The following AHR variants were observed in gnomAD, a reference collection of about 807,000 sequenced individuals.
AHR encodes AH-receptor.
Under a neutral mutation model 86.8 loss-of-function variants are expected in AHR, and 40 were observed. The observed-to-expected ratio is 0.46, with a 90% CI of 0.36 to 0.60. The LOEUF (loss-of-function observed/expected upper bound fraction) is 0.60. Among genes scored for constraint, AHR ranks in the 20% least tolerant of loss-of-function variants. AHR has a pLI of 0.00. For synonymous variants in AHR, 398 were observed against 354.9 expected, an observed-to-expected ratio of 1.12 and a Z score of -1.37; for missense variants, 1,001 against 1,011.6, an observed-to-expected ratio of 0.99 and a Z score of 0.14.
chr7:17,299,990 A>G (rs1584026669), intron 1 of AHR, among the ~76,000 whole-genome samples: 2 of 152,232 alleles, frequency 1.3e-5, no homozygotes, highest in African/African-American at 4.8e-5. Flanking sequence ...TTCTTCAGAC[A>G]TCTTTTTCGG....
Position 17,340,035 on chromosome 7 carries a change from A to C in AHR, c.2210A>C (p.Asp737Ala). Residue 737 changes from aspartate to alanine, a missense_variant, in exon 10 of 11, where the codon GAT becomes GCT. Asp to Ala is a moderately radical substitution (Grantham distance 126). Transcript: ENST00000242057. ...SPYPTTSSLE[D>A]FVTCLQLPEN... Reference sequence around the variant, plus strand: ...TACCCCACTACTTCTAGTTTAGAAGATTTTGTCACTTGTTTACAACTTCCT... The same window carrying C: ...TACCCCACTACTTCTAGTTTAGAAGCTTTTGTCACTTGTTTACAACTTCCT... 1 of 1,614,204 alleles carries C rather than the reference A, an allele frequency of 6.2e-7. No homozygotes were observed. The highest frequency in any genetic ancestry group is 8.5e-7 in the Non-Finnish European group (1 of 1,180,036).
At chr7:17,307,693 G>A (rs912517263) in intron 1 of AHR, among the ~76,000 whole-genome samples, 1 of 152,126 alleles carries the variant, frequency 6.6e-6, no homozygotes, top group Non-Finnish European at 1.5e-5. Context: ...GACACAGTCA[G>A]ATTTATGTTT....
intron 2 of AHR, among the ~76,000 whole-genome samples, chr7:17,310,598 G>T (rs1782053677): frequency 6.7e-6 from 1 of 149,326 alleles, no homozygotes; most frequent in Non-Finnish European, 1.5e-5. Flanking sequence ...GCAATGACAC[G>T]ATCTTGGCTC....
At chr7:17,301,922 G>C (rs1781958727) in intron 1 of AHR, among the ~76,000 whole-genome samples, 1 of 151,740 alleles carries the variant, frequency 6.6e-6, no homozygotes, top group Admixed American at 6.6e-5. Flanking sequence ...CTATAACTTT[G>C]CTTAGACTGT....
chr7:17,332,057 A>G (rs758713866), intron 6 of AHR, among the ~76,000 whole-genome samples: 1 of 151,948 alleles, frequency 6.6e-6, no homozygotes, highest in Non-Finnish European at 1.5e-5. Context: ...ATAACAGACC[A>G]TGTATATGAT....
chr7:17,305,891 C>T (rs1782000732), intron 1 of AHR, among the ~76,000 whole-genome samples: 1 of 152,084 alleles, frequency 6.6e-6, no homozygotes, highest in Non-Finnish European at 1.5e-5. Context: ...TTCAGACTGG[C>T]ATTGGGCATA....
chr7:17,313,547 A>G (rs1337818027), intron 2 of AHR, among the ~76,000 whole-genome samples: 1 of 152,156 alleles, frequency 6.6e-6, no homozygotes, highest in Admixed American at 6.6e-5. Context: ...GGATCTTCTT[A>G]AAGTTTGGAA....
At chr7:17,302,155 C>T (rs987622704) in intron 1 of AHR, among the ~76,000 whole-genome samples, 2 of 151,744 alleles carry the variant, frequency 1.3e-5, no homozygotes, top group Non-Finnish European at 3.0e-5. Context: ...TTTCAGCTTA[C>T]CTGTACATAG....
At chr7:17,337,480 T>G (rs1444605599) in intron 9 of AHR, among the ~76,000 whole-genome samples, 1 of 149,906 alleles carries the variant, frequency 6.7e-6, no homozygotes, top group African/African-American at 2.4e-5. Flanking sequence ...CTTTCTGTTT[T>G]TTTTTTTTTT....
chr7:17,334,615 A>G (rs952685717), intron 7 of AHR, among the ~76,000 whole-genome samples: 5 of 152,040 alleles, frequency 3.3e-5, no homozygotes, highest in African/African-American at 1.2e-4. Context: ...TCTGTTACCC[A>G]TACATCTGCT....
rs746512401 is a variant in AHR at position 17,334,014 on chromosome 7, A to G, written c.808A>G (p.Thr270Ala). 6.2e-7 allele frequency: 1 copy of G among 1,613,418 alleles called. No individual in the cohort carries two copies. The highest frequency in any genetic ancestry group is 8.5e-7 in the Non-Finnish European group (1 of 1,179,494). The change falls in exon 7 of 11, where the codon ACT becomes GCT. Residue 270 changes from threonine to alanine, a missense_variant. By Grantham distance (58) the Thr-to-Ala change is moderately conservative (BLOSUM62 0). Transcript: ENST00000242057. ...PPQLALFAIATPLQPPSILEI... is the reference protein window; with the variant it reads ...PPQLALFAIAAPLQPPSILEI... ...TCAGTTGGCTTTGTTTGCGATAGCT[A>G]CTCCACTTCAGCCACCATCCATACT...
rs760271686 is a variant in AHR at position 17,335,769 on chromosome 7, A to G, written c.1143A>G (p.Val381=). Residue 381 remains valine, a synonymous_variant, in exon 9 of 11, where the codon GTA becomes GTG. Coordinates refer to ENST00000242057, the MANE Select transcript of AHR (RefSeq NM_001621.5). The stretch of plus-strand genomic sequence containing the variant: ...ATGGAAGACCAGATTATATCATTGT[A>G]ACTCAGAGACCACTAACGTAAGCAC... ...YKNGRPDYII[V]TQRPLTDEEG... is the part of the protein sequence containing the mutation. 4 of 1,613,048 alleles carry G rather than the reference A, an allele frequency of 2.5e-6. No homozygotes were observed. Among genetic ancestry groups the G allele is most frequent in the East Asian group, 2.2e-5 (1 of 44,830 alleles).
chr7:17,301,493 T>A (rs1299624356), intron 1 of AHR, among the ~76,000 whole-genome samples: 1 of 151,946 alleles, frequency 6.6e-6, no homozygotes, highest in Non-Finnish European at 1.5e-5. Context: ...TGAGAGCCAT[T>A]TTATTTTATT....
chr7:17,316,532 T>C (rs903795095), intron 2 of AHR, among the ~76,000 whole-genome samples: 1 of 152,118 alleles, frequency 6.6e-6, no homozygotes, highest in Admixed American at 6.6e-5. Context: ...TGGGAAGATA[T>C]CTTGAGCCCA....
intron 1 of AHR, among the ~76,000 whole-genome samples, chr7:17,307,696 T>A (rs759484658): frequency 6.6e-6 from 1 of 152,072 alleles, no homozygotes; most frequent in African/African-American, 2.4e-5. Context: ...ACAGTCAGAT[T>A]TATGTTTTAG....
At chr7:17,342,719 A>G (rs1375533470) in intron 10 of AHR, among the ~76,000 whole-genome samples, 2 of 152,194 alleles carry the variant, frequency 1.3e-5, no homozygotes, top group African/African-American at 4.8e-5. Context: ...ATGGAAAAAC[A>G]GGTTATAAAT....
chr7:17,318,026 C>T (rs1782133543), intron 2 of AHR, among the ~76,000 whole-genome samples: 1 of 151,730 alleles, frequency 6.6e-6, no homozygotes, highest in South Asian at 2.1e-4. Flanking sequence ...TTGGATAGAA[C>T]AAACTTTTAA....
intron 2 of AHR, among the ~76,000 whole-genome samples, chr7:17,314,431 C>G (rs1782095763): frequency 6.6e-6 from 1 of 151,910 alleles, no homozygotes. Flanking sequence ...TTATTTGACC[C>G]CATTGTTTAT....
In AHR at chr7:17,298,891, ACCCAGGCCAGGATTCTAAATAGACGG is replaced by A; in HGVS notation, c.-366_-341del. The A allele has an allele frequency of 2.5e-6, 1 of 403,392 alleles. No homozygotes were observed. Among genetic ancestry groups the A allele is most frequent in the Non-Finnish European group, 4.4e-6 (1 of 229,562 alleles). The allele number at this position is 403,392 out of a possible 1,614,324, so 25.0% of individuals were successfully genotyped here. ...ACGGGGCGCGGCGCCACCGTGAGCG[ACCCAGGCCAGGATTCTAAATAGACGG>A]CCCAGGCTCCTCCTCCGCCCGGGCC... is the stretch of plus-strand genomic sequence containing the variant. On this transcript the variant is annotated 5_prime_UTR_variant, in exon 1 of 11. Transcript: ENST00000242057.
Sources: gnomAD v4.1 joint callset for allele counts (sites outside exome capture counted in the v4.1 genomes callset) on GRCh38, gnomAD v4.1.1 for gene constraint, MANE v1.5 for transcripts, NCBI Gene and HGNC (gene_info 2026-07-23, HGNC 2026-07-21) for gene names.